Variants in COL24A1 observed in about 807,000 individuals in gnomAD.
The protein encoded by COL24A1 is collagen alpha-1(XXIV) chain.
Under a neutral mutation model 253.9 loss-of-function variants are expected in COL24A1, and 224 were observed. The observed-to-expected ratio is 0.88, with a 90% CI of 0.79 to 0.99. The LOEUF is 0.99. Among genes scored for constraint, COL24A1 ranks in the 50% least tolerant of loss-of-function variants. The pLI, the probability that COL24A1 is intolerant of heterozygous loss-of-function variation, is 0.00. For synonymous variants in COL24A1, 685 were observed against 673.7 expected (o/e 1.02, Z -0.26); for missense variants, 2,131 against 2,068.5 (o/e 1.03, Z -0.59).
In COL24A1 at chr1:86,121,129, CG is replaced by C. The variant is rs1203491259; in HGVS notation, c.1491+3715del. Among the ~76,000 whole-genome samples, 8 of 151,936 alleles carry C rather than the reference CG, an allele frequency of 5.3e-5. No individual in the cohort carries two copies. The South Asian group carries it at 1.5e-3, about 28-fold the overall frequency. ...ACACAGGGTGGGGAACATCACACAC[CG>C]GGGACTGTCATGGGGTGAAGGGCAG... is the stretch of plus-strand genomic sequence containing the variant. On this transcript the variant is annotated intron_variant, in intron 3 of 59. Transcript: ENST00000370571.
At chr1:85,982,669 C>G (rs1026029618) in intron 20 of COL24A1, among the ~76,000 whole-genome samples, 34 of 151,986 alleles carry the variant, frequency 2.2e-4, no homozygotes, top group African/African-American at 6.5e-4. Flanking sequence ...CTCCCTCCTA[C>G]TCACTTATCA....
chr1:86,126,176 C>A lies in COL24A1; in HGVS notation c.160G>T (p.Asp54Tyr), dbSNP rs200777786. The A allele has an allele frequency of 6.2e-7, 1 of 1,605,220 alleles. No individual in the cohort carries two copies. The highest frequency in any genetic ancestry group is 8.5e-7 in the Non-Finnish European group (1 of 1,179,292). ...GTCGCTGGTGATGAGTGTCTTACGT[C>A]TTTGCCTCCAAGGCCTAGTTGATGA... ...ILHQLGLGGKDVRHSSPATAV... is the reference protein window; with the variant it reads ...ILHQLGLGGKYVRHSSPATAV... The change falls in exon 3 of 60, where the codon GAC (aspartate) becomes TAC (tyrosine). Residue 54 changes from aspartate (D) to tyrosine (Y), a missense_variant. By Grantham distance (160) the Asp-to-Tyr change is radical. Coordinates refer to ENST00000370571, the MANE Select transcript of COL24A1 (RefSeq NM_152890.7).
In COL24A1 at chr1:86,095,890, T is replaced by C. The variant is rs370431345; in HGVS notation, c.1600-3570A>G. ...ATCATTTTTATCAGAGTAAGTCTTT[T>C]AGTCCATTATTGAATCTCCAGAGGG... On this transcript the variant is annotated intron_variant, in intron 5 of 59. Transcript: ENST00000370571. 9.2e-5 allele frequency among the ~76,000 whole-genome samples: 14 copies of C among 152,242 alleles called. No homozygotes were observed. The South Asian group carries it at 1.0e-3, about 11-fold the overall frequency.
intron 22 of COL24A1, 116 bp downstream of exon 22, chr1:85,970,111 A>T: frequency 1.1e-6 from 1 of 934,856 alleles, no homozygotes; most frequent in Non-Finnish European, 1.6e-6. Flanking sequence ...TATGACTTTA[A>T]TTTGTTTTCA....
At chr1:85,871,674 T>A (rs1429736323) in intron 35 of COL24A1, among the ~76,000 whole-genome samples, 1 of 152,126 alleles carries the variant, frequency 6.6e-6, no homozygotes, top group Admixed American at 6.5e-5. Context: ...TCTCCATTAA[T>A]TAGGTATTGA....
chr1:85,995,768 T>G (rs1346070459), intron 19 of COL24A1, among the ~76,000 whole-genome samples: 1 of 152,190 alleles, frequency 6.6e-6, no homozygotes, highest in African/African-American at 2.4e-5. Context: ...CCCTCAGTGC[T>G]GCTCTCATGA....
chr1:85,748,666 G>A (rs1665565196), intron 55 of COL24A1, among the ~76,000 whole-genome samples: 2 of 144,536 alleles, frequency 1.4e-5, no homozygotes, highest in Non-Finnish European at 3.0e-5. Context: ...GCGCAGGCCA[G>A]TGTGTGTGCG....
At chr1:85,825,361 G>C (rs1300831613) in intron 43 of COL24A1, among the ~76,000 whole-genome samples, 1 of 152,040 alleles carries the variant, frequency 6.6e-6, no homozygotes, top group Non-Finnish European at 1.5e-5. Flanking sequence ...CTTTGCTATT[G>C]TGAATAACGC....
intron 5 of COL24A1, among the ~76,000 whole-genome samples, chr1:86,097,498 TCCC>T (rs1704023896): frequency 4.2e-5 from 1 of 23,980 alleles, no homozygotes; most frequent in Non-Finnish European, 8.1e-5. Flanking sequence ...TCCCTCCTCC[TCCC>T]TTCTCCTCCT....
chr1:85,925,765 A>C (rs1307758865), intron 24 of COL24A1, among the ~76,000 whole-genome samples: 2 of 152,204 alleles, frequency 1.3e-5, no homozygotes, highest in Non-Finnish European at 2.9e-5. Context: ...AGGCATGGGC[A>C]AGGACTTCAT....
chr1:85,933,283 C>T (rs952424280), intron 24 of COL24A1, among the ~76,000 whole-genome samples: 2 of 152,074 alleles, frequency 1.3e-5, no homozygotes, highest in East Asian at 3.9e-4. Flanking sequence ...AAATAGAGTT[C>T]ATCGGCAATA....
chr1:85,779,509 A>T (rs1242899217), intron 52 of COL24A1, among the ~76,000 whole-genome samples: 1 of 152,180 alleles, frequency 6.6e-6, no homozygotes, highest in East Asian at 1.9e-4. Context: ...GAGATATAAG[A>T]GATACATAAG....
intron 53 of COL24A1, among the ~76,000 whole-genome samples, chr1:85,764,217 C>G (rs1667125900): frequency 6.6e-6 from 1 of 152,082 alleles, no homozygotes; most frequent in South Asian, 2.1e-4. Flanking sequence ...CCACTGACAT[C>G]TCATTCTTTT....
chr1:85,889,644 A>C, intron 31 of COL24A1, 31 bp from the exon 32 acceptor site: 1 of 1,597,232 alleles, frequency 6.3e-7, no homozygotes, highest in Non-Finnish European at 8.6e-7. Flanking sequence ...CTTGTAGGAA[A>C]AGTGGTGTGT....
At chr1:85,951,075 C>T (rs536125104) in intron 24 of COL24A1, among the ~76,000 whole-genome samples, 1 of 152,266 alleles carries the variant, frequency 6.6e-6, no homozygotes, top group East Asian at 1.9e-4. Flanking sequence ...CATTTTCAGA[C>T]TTAGATTAAG....
At chr1:85,872,647 G>T (rs558389551) in intron 35 of COL24A1, among the ~76,000 whole-genome samples, 2 of 152,282 alleles carry the variant, frequency 1.3e-5, no homozygotes, top group East Asian at 3.9e-4. Flanking sequence ...GTAGAAAGCT[G>T]AAAACGGATC....
At chr1:85,920,948 AAAAG>A (rs1318043633) in intron 24 of COL24A1, among the ~76,000 whole-genome samples, 1 of 152,138 alleles carries the variant, frequency 6.6e-6, no homozygotes, top group African/African-American at 2.4e-5. Context: ...AAACAAAAAC[AAAAG>A]AAAGAGTCAC....
intron 5 of COL24A1, among the ~76,000 whole-genome samples, chr1:86,098,821 C>G (rs1704211962): frequency 6.6e-6 from 1 of 152,116 alleles, no homozygotes; most frequent in African/African-American, 2.4e-5. Context: ...GTCTTCAATT[C>G]AAAGGACGTA....
At chr1:86,013,705 A>G (rs188245199) in intron 19 of COL24A1, among the ~76,000 whole-genome samples, 1 of 152,172 alleles carries the variant, frequency 6.6e-6, no homozygotes, top group East Asian at 1.9e-4. Context: ...GTGTGGTGGC[A>G]GGCACCTGTA....
Sources: gnomAD v4.1 joint callset for allele counts (sites outside exome capture counted in the v4.1 genomes callset) on GRCh38, gnomAD v4.1.1 for gene constraint, MANE v1.5 for transcripts, NCBI Gene and HGNC (gene_info 2026-07-23, HGNC 2026-07-21) for gene names.